The following POM121 variants were observed in gnomAD, a reference collection of about 807,000 sequenced individuals.
The protein encoded by POM121 is POM121 transmembrane nucleoporin.
Under a neutral mutation model 81.3 loss-of-function variants are expected in POM121, and 32 were observed. The ratio of observed to expected loss-of-function variants is 0.39; its 90% confidence interval spans 0.30 to 0.53. POM121 has a LOEUF of 0.53. Ranked by LOEUF, POM121 falls within the 20% of genes least tolerant of loss-of-function variation. The pLI is 0.66. For missense variants in POM121, 1,138 were observed against 1,614.6 expected (o/e 0.70, Z 5.06); for synonymous variants, 514 against 694.2 (o/e 0.74, Z 4.08).
chr7:72,943,213 G>C lies in POM121; in HGVS notation c.3220G>C (p.Gly1074Arg). 1 of 1,613,094 alleles carries C rather than the reference G, an allele frequency of 6.2e-7. No homozygotes were observed. The highest frequency in any genetic ancestry group is 8.5e-7 in the Non-Finnish European group (1 of 1,179,804). Residue 1074 changes from glycine to arginine, a missense_variant, in exon 11 of 13, where the codon GGA becomes CGA. Around this residue, in one of 7 missense-constraint regions of POM121, gnomAD observed 336 missense variants for 344.3 expected, o/e 0.98. Transcript: ENST00000434423. ...FFGAATSSGF[G>R]ATTQTASSGS... ...CGGTGCAGCCACCAGCTCCGGCTTT[G>C]GAGCCACCACCCAGACCGCCAGCAG...
intron 4 of POM121, among the ~76,000 whole-genome samples, chr7:72,917,347 C>T (rs1296438012): frequency 3.9e-5 from 6 of 152,228 alleles, no homozygotes; most frequent in African/African-American, 1.4e-4. Flanking sequence ...TGGGCCTGCA[C>T]TGACCCTCGT....
At chr7:72,921,579 G>A (rs1554496011), upstream of POM121, among the ~76,000 whole-genome samples, 1 of 152,184 alleles carries the variant, frequency 6.6e-6, no homozygotes, top group East Asian at 1.9e-4. Flanking sequence ...CTTACACTTA[G>A]GGATCAGTCT....
At chr7:72,915,837 T>C (rs1794245926) in intron 4 of POM121, among the ~76,000 whole-genome samples, 1 of 152,186 alleles carries the variant, frequency 6.6e-6, no homozygotes, top group African/African-American at 2.4e-5. Flanking sequence ...CATGCCAGGC[T>C]AATTTTTGTG....
At chr7:72,891,958 A>T (rs1260904879) in intron 3 of POM121, among the ~76,000 whole-genome samples, 3 of 152,242 alleles carry the variant, frequency 2.0e-5, no homozygotes, top group Non-Finnish European at 4.4e-5. Context: ...TGCTCAGTTG[A>T]TGTGATGATG....
chr7:72,948,863 C>A (rs116864609), downstream of POM121: 73,790 of 1,595,316 alleles, frequency 0.046, 2,134 homozygotes, highest in Non-Finnish European at 0.053. Context: ...CCCATCCCCC[C>A]CTCCACGACC....
chr7:72,903,452 G>T (rs1554492992), intron 3 of POM121, among the ~76,000 whole-genome samples: 1 of 152,126 alleles, frequency 6.6e-6, no homozygotes, highest in Non-Finnish European at 1.5e-5. Flanking sequence ...AAGAAAATCA[G>T]ATATTTTGAG....
rs1554501276 is a variant in POM121 at position 72,942,171 on chromosome 7, C to T, written c.2178C>T (p.Pro726=). 1 of 1,609,438 alleles carries T rather than the reference C, an allele frequency of 6.2e-7. No homozygotes were observed. Among genetic ancestry groups the T allele is most frequent in the African/African-American group, 1.4e-5 (1 of 73,084 alleles). The change falls in exon 11 of 13, where the codon CCC becomes CCT. Residue 726 remains proline, a synonymous_variant. Coordinates refer to ENST00000434423, the MANE Select transcript of POM121 (RefSeq NM_001387691.1). ...PAAPAASSAP[P]MFKPIFTAPP... ...CCCCTGCTGCATCTTCAGCACCTCC[C>T]ATGTTCAAGCCCATTTTCACGGCTC...
chr7:72,893,682 T>C (rs1791541147), intron 3 of POM121, among the ~76,000 whole-genome samples: 1 of 152,216 alleles, frequency 6.6e-6, no homozygotes, highest in Admixed American at 6.5e-5. Context: ...AACTTTAGCA[T>C]TGTGCGTTGT....
At chr7:72,929,107 G>A (rs1795765103) in intron 4 of POM121, among the ~76,000 whole-genome samples, 1 of 152,182 alleles carries the variant, frequency 6.6e-6, no homozygotes, top group African/African-American at 2.4e-5. Flanking sequence ...AAGATGTTAA[G>A]GAGATTTGCA....
rs555655444 is a variant in POM121, at chr7:72,879,465, C to T, written c.-941C>T. ...GTCTGCGGGGCTGGACGCTGACCGC[C>T]CGGGCCAGCACCTAGGCGGGCGGGA... On this transcript the variant is annotated 5_prime_UTR_variant, in exon 1 of 16. Transcript: ENST00000395270. The T allele has an allele frequency of 5.6e-5, 12 of 213,460 alleles. No individual in the cohort carries two copies. The East Asian group carries it at 2.2e-3, about 39-fold the overall frequency. 13.2% of individuals were successfully genotyped at this position (213,460 alleles called of 1,614,324 possible).
Position 72,894,313 on chromosome 7 carries a change from C to T in POM121, c.-216+3203C>T, listed in dbSNP as rs141588543. 7.9e-3 allele frequency among the ~76,000 whole-genome samples: 1,200 copies of T among 152,202 alleles called. 19 individuals are homozygous for T. The highest frequency in any genetic ancestry group is 0.027 in the African/African-American group (1,102 of 41,528). On this transcript the variant is annotated intron_variant, in intron 3 of 15. Transcript: ENST00000395270. ...AGACTCTAGGCCAGGCATGGTGGCT[C>T]ACGCCTGTAATCCCAGCACTTTGGG...
At chr7:72,934,431 G>A (rs2429262) in intron 5 of POM121, among the ~76,000 whole-genome samples, 46 of 152,162 alleles carry the variant, frequency 3.0e-4, no homozygotes, top group Non-Finnish European at 4.4e-4. Flanking sequence ...CTCTTTATAT[G>A]TTCTAGATAC....
At chr7:72,931,797 G>C (rs7809587) in intron 5 of POM121, among the ~76,000 whole-genome samples, 2,436 of 152,136 alleles carry the variant, frequency 0.016, 52 homozygotes, top group African/African-American at 0.055. Context: ...CATCGAACTC[G>C]TGACCTCAGG....
chr7:72,893,773 C>T (rs1379335317), intron 3 of POM121, among the ~76,000 whole-genome samples: 1 of 152,042 alleles, frequency 6.6e-6, no homozygotes, highest in East Asian at 1.9e-4. Context: ...GCAGGTGGTG[C>T]TTTCGCCATC....
At chr7:72,900,909 T>TTTA (rs1291713126) in intron 3 of POM121, among the ~76,000 whole-genome samples, 20 of 152,178 alleles carry the variant, frequency 1.3e-4, no homozygotes, top group Non-Finnish European at 2.4e-4. Context: ...TTTTTTTTTT[T>TTTA]TTATTATTGC....
chr7:72,929,920 A>G lies in POM121; in HGVS notation c.1104-20A>G. 1 of 1,564,884 alleles carries G rather than the reference A, an allele frequency of 6.4e-7. No homozygotes were observed. The highest frequency in any genetic ancestry group is 8.7e-7 in the Non-Finnish European group (1 of 1,152,538). ...AATTTTGCCTTCAATAAAGCATCTAACTGTCTTCTCTTTTATTAGGCCTGG... is the reference window on the plus strand; with the variant it reads ...AATTTTGCCTTCAATAAAGCATCTAGCTGTCTTCTCTTTTATTAGGCCTGG... On this transcript the variant is annotated intron_variant, in intron 4 of 12. Transcript: ENST00000434423.
intron 1 of POM121, among the ~76,000 whole-genome samples, chr7:72,881,293 C>T (rs1790136231): frequency 6.6e-6 from 1 of 150,538 alleles, no homozygotes; most frequent in Non-Finnish European, 1.5e-5. Context: ...AGGCGGATCA[C>T]TTGAGGCCAG....
intron 3 of POM121, among the ~76,000 whole-genome samples, chr7:72,895,852 T>C (rs1349184771): frequency 6.6e-6 from 1 of 151,756 alleles, no homozygotes; most frequent in African/African-American, 2.4e-5. Context: ...GAGGCTGCAG[T>C]GAGCTGAGAT....
In POM121 at chr7:72,926,808, G is replaced by A. The variant is rs1563156148; in HGVS notation, c.867G>A (p.Glu289=). ...DRRFSRSAIP[E]QIISSTLSSP... ...ATCTTGTCTTTCATTGTAGACCAGA[G>A]CAGATAATCAGCTCAACACTGTCCT... Residue 289 remains glutamate, a synonymous_variant, in exon 3 of 13, where the codon GAG becomes GAA. Coordinates refer to ENST00000434423, the MANE Select transcript of POM121 (RefSeq NM_001387691.1). 6.2e-7 allele frequency: 1 copy of A among 1,613,858 alleles called. No individual in the cohort carries two copies. The highest frequency in any genetic ancestry group is 8.5e-7 in the Non-Finnish European group (1 of 1,179,828).
Sources: allele counts gnomAD v4.1 joint callset (sites outside exome capture counted in the v4.1 genomes callset), GRCh38; gene constraint gnomAD v4.1.1; regional missense constraint gnomAD v4.1.1; transcripts MANE v1.5; gene names NCBI Gene and HGNC (gene_info 2026-07-23, HGNC 2026-07-21).